The following KANK1 variants were observed in gnomAD, a reference collection of about 807,000 sequenced individuals.
KANK1 encodes the protein KN motif and ankyrin repeat domains 1.
Under a neutral mutation model 106.2 loss-of-function variants are expected in KANK1, and 109 were observed. The observed-to-expected ratio is 1.03, with a 90% CI of 0.88 to 1.20. The LOEUF (loss-of-function observed/expected upper bound fraction) is 1.20. Ranked by LOEUF, KANK1 falls within the 50% of genes most tolerant of loss-of-function variation. KANK1 has a pLI of 0.00. For missense variants in KANK1, 2,399 were observed against 1,710.7 expected, an observed-to-expected ratio of 1.40 and a Z score of -7.10; for synonymous variants, 873 against 652.2, an observed-to-expected ratio of 1.34 and a Z score of -5.16.
intron 1 of KANK1, among the ~76,000 whole-genome samples, chr9:579,014 T>C (rs773701924): frequency 2.6e-5 from 4 of 152,216 alleles, no homozygotes; most frequent in Non-Finnish European, 4.4e-5. Flanking sequence ...ACTATATGCA[T>C]GTTTGAACAC....
At chr9:726,472 C>T (rs1830666534) in intron 3 of KANK1, among the ~76,000 whole-genome samples, 1 of 152,078 alleles carries the variant, frequency 6.6e-6, no homozygotes, top group Non-Finnish European at 1.5e-5. Flanking sequence ...AACCGAGTCT[C>T]TACTAAAAAT....
At chr9:721,876 TCTTAC>T (rs1829432681) in intron 3 of KANK1, among the ~76,000 whole-genome samples, 1 of 152,240 alleles carries the variant, frequency 6.6e-6, no homozygotes, top group East Asian at 1.9e-4. Context: ...GTTTCACTCC[TCTTAC>T]CTTGGGGGCA....
chr9:607,975 C>G (rs945451474), intron 1 of KANK1, among the ~76,000 whole-genome samples: 1 of 150,204 alleles, frequency 6.7e-6, no homozygotes, highest in Admixed American at 6.6e-5. Flanking sequence ...TATCTAGTAC[C>G]ATGGAATCTT....
chr9:596,406 A>G (rs921297055), intron 1 of KANK1, among the ~76,000 whole-genome samples: 1 of 151,830 alleles, frequency 6.6e-6, no homozygotes, highest in African/African-American at 2.4e-5. Flanking sequence ...TCGGGTAGAG[A>G]AAAGACTAAA....
At chr9:586,454 AAAAG>A (rs1440184248) in intron 1 of KANK1, among the ~76,000 whole-genome samples, 1 of 152,158 alleles carries the variant, frequency 6.6e-6, no homozygotes, top group African/African-American at 2.4e-5. Context: ...ATAGGAGTGA[AAAAG>A]AAGGGGTAGA....
chr9:514,695 T>C (rs559512784), intron 1 of KANK1, among the ~76,000 whole-genome samples: 2 of 151,826 alleles, frequency 1.3e-5, no homozygotes, highest in South Asian at 4.2e-4. Context: ...CATCCTGTTG[T>C]CCATGAACGT....
chr9:553,834 TTAATGGAAATTAAACCCAAATA>T (rs1371009386), intron 1 of KANK1, among the ~76,000 whole-genome samples: 1 of 152,158 alleles, frequency 6.6e-6, no homozygotes, highest in Admixed American at 6.5e-5. Context: ...CTTAATAGGT[TTAATGGAAATTAAACCCAAATA>T]TAATGGAAAT....
intron 1 of KANK1, among the ~76,000 whole-genome samples, chr9:582,651 A>G (rs62531535): frequency 0.3 from 45,681 of 152,050 alleles, 7,341 homozygotes; most frequent in African/African-American, 0.38. Context: ...TGGGAGAACT[A>G]TGATTAAATA....
At chr9:514,413 C>CT (rs992207163) in intron 1 of KANK1, among the ~76,000 whole-genome samples, 1 of 150,224 alleles carries the variant, frequency 6.7e-6, no homozygotes, top group Non-Finnish European at 1.5e-5. Context: ...CCCTCATCTC[C>CT]TTTACCCAAA....
At position 691,972 on chromosome 9, in the gene KANK1, T is replaced by C. The variant is rs145152302; in HGVS notation, c.37+14963T>C. 2.9e-3 allele frequency among the ~76,000 whole-genome samples: 446 copies of C among 152,250 alleles called. 1 individual carries two copies. The highest frequency in any genetic ancestry group is 5.1e-3 in the Non-Finnish European group (348 of 68,024). On this transcript the variant is annotated intron_variant, in intron 2 of 11. Transcript: ENST00000382297. ...TTTGTCTAAGTACATTGGGTAAATGTGGCACTAGTTGAACAAGATTTACTG... is the reference window on the plus strand; with the variant it reads ...TTTGTCTAAGTACATTGGGTAAATGCGGCACTAGTTGAACAAGATTTACTG...
intron 3 of KANK1, among the ~76,000 whole-genome samples, chr9:473,824 T>G (rs1969986): frequency 6.6e-6 from 1 of 151,998 alleles, no homozygotes; most frequent in Non-Finnish European, 1.5e-5. Context: ...CTCAGCCTCC[T>G]GAGTAGCTGG....
intron 2 of KANK1, among the ~76,000 whole-genome samples, chr9:679,216 C>G (rs1817019558): frequency 6.6e-6 from 1 of 152,194 alleles, no homozygotes; most frequent in South Asian, 2.1e-4. Context: ...AGATTTTTTA[C>G]TTATTCTAGT....
chr9:681,178 C>G (rs1817486818), intron 2 of KANK1: 1 of 152,378 alleles, frequency 6.6e-6, no homozygotes, highest in Non-Finnish European at 1.5e-5. Flanking sequence ...ATGATGGTAC[C>G]ACTGCACTCC....
intron 2 of KANK1, chr9:684,571 C>T (rs191923906): frequency 7.1e-6 from 7 of 985,388 alleles, no homozygotes; most frequent in South Asian, 4.7e-5. Context: ...GCAGACTTCT[C>T]GTTGTGAGTA....
At chr9:484,723 A>G (rs1171320699) in intron 3 of KANK1, among the ~76,000 whole-genome samples, 2 of 152,166 alleles carry the variant, frequency 1.3e-5, no homozygotes, top group African/African-American at 2.4e-5. Flanking sequence ...GGCTTGCTGA[A>G]TGGGGTATGG....
intron 2 of KANK1, among the ~76,000 whole-genome samples, chr9:471,962 G>T (rs1028757173): frequency 6.6e-6 from 1 of 152,048 alleles, no homozygotes; most frequent in Non-Finnish European, 1.5e-5. Context: ...ATAAACCTCC[G>T]ATTATTCCCC....
chr9:512,247 G>GTA (rs2059063245), intron 1 of KANK1, among the ~76,000 whole-genome samples: 2 of 135,194 alleles, frequency 1.5e-5, no homozygotes, highest in African/African-American at 3.4e-5. Context: ...GTGTGTGTGT[G>GTA]TGTATGTATA....
At chr9:553,925 G>T (rs369144520) in intron 1 of KANK1, among the ~76,000 whole-genome samples, 4 of 152,142 alleles carry the variant, frequency 2.6e-5, no homozygotes, top group Admixed American at 1.3e-4. Context: ...AAACTTTAGC[G>T]TGCATTTGGG....
intron 1 of KANK1, among the ~76,000 whole-genome samples, chr9:667,069 C>G (rs1211715442): frequency 6.7e-6 from 1 of 150,270 alleles, no homozygotes; most frequent in African/African-American, 2.4e-5. Flanking sequence ...TAGAATTAAT[C>G]AGATCCTCGA....
Sources: gnomAD v4.1 joint callset for allele counts (sites outside exome capture counted in the v4.1 genomes callset) on GRCh38, gnomAD v4.1.1 for gene constraint, MANE v1.5 for transcripts, NCBI Gene and HGNC (gene_info 2026-07-23, HGNC 2026-07-21) for gene names.